Variants in OSBPL10 observed in about 807,000 individuals in gnomAD.
OSBPL10 encodes oxysterol binding protein like 10, also known as oxysterol-binding protein-related protein 10.
In OSBPL10, 49 loss-of-function variants were observed where a neutral mutation model predicts 81.7. The ratio of observed to expected loss-of-function variants is 0.60; its 90% CI spans 0.48 to 0.76. The LOEUF (loss-of-function observed/expected upper bound fraction) is 0.76. OSBPL10 is among the 30% of genes least tolerant of loss of function. The pLI, the probability that OSBPL10 is intolerant of heterozygous loss-of-function variation, is 0.00. For synonymous variants in OSBPL10, 419 were observed against 383.6 expected (o/e 1.09, Z -1.08); for missense variants, 923 against 987.8 (o/e 0.93, Z 0.88).
chr3:31,832,621 A>G (rs183675756), intron 3 of OSBPL10, among the ~76,000 whole-genome samples: 1 of 152,372 alleles, frequency 6.6e-6, no homozygotes, highest in Non-Finnish European at 1.5e-5. Flanking sequence ...ACATATACAG[A>G]GACAGACGGA....
At chr3:32,041,965 T>G (rs2125559256) in intron 2 of OSBPL10, among the ~76,000 whole-genome samples, 1 of 152,310 alleles carries the variant, frequency 6.6e-6, no homozygotes, top group East Asian at 1.9e-4. Flanking sequence ...TGGCTGAGTT[T>G]CTGAAACTAG....
At chr3:31,929,474 G>A (rs181523669) in intron 1 of OSBPL10, among the ~76,000 whole-genome samples, 18 of 152,214 alleles carry the variant, frequency 1.2e-4, no homozygotes, top group East Asian at 7.7e-4. Flanking sequence ...TCGGCCGGGC[G>A]CGGTGGCTCA....
At chr3:31,921,329 A>AT (rs1483100143) in intron 1 of OSBPL10, among the ~76,000 whole-genome samples, 1 of 152,180 alleles carries the variant, frequency 6.6e-6, no homozygotes, top group African/African-American at 2.4e-5. Flanking sequence ...TTGTAATACC[A>AT]TTCTCCAATA....
rs944752910 is a variant in OSBPL10 at position 31,981,032 on chromosome 3, C to G, written c.148G>C (p.Gly50Arg). The change falls in exon 1 of 12, where the codon GGC becomes CGC. Residue 50 changes from glycine (G) to arginine (R), a missense_variant. By Grantham distance (125) the Gly-to-Arg change is moderately radical. Around this residue, in one of 3 missense-constraint regions of OSBPL10, gnomAD observed 514 missense variants for 508.0 expected, o/e 1.01. Transcript: ENST00000396556. The surrounding 1 kb of genome is among the most constrained non-coding windows in gnomAD (Gnocchi z 4.5). ...GGGCTGCTGCGGCTTCCCCCGCCGC[C>G]GAGCCCGGCCGCCGCCGACCGGCTG... ...VSSRSAAAGL[G>R]GGGSRSSPGS... 4.8e-6 allele frequency: 7 copies of G among 1,470,504 alleles called. No homozygotes were observed. In the African/African-American group the frequency reaches 1.0e-4, roughly 22 times the overall value. 91.1% of individuals were successfully genotyped at this position (1,470,504 alleles called of 1,614,324 possible). A position where few individuals can be genotyped will look rare whatever the true frequency, so the allele number is the denominator to read the frequency against.
intron 4 of OSBPL10, among the ~76,000 whole-genome samples, chr3:31,751,496 C>T (rs1173602157): frequency 1.3e-5 from 2 of 152,228 alleles, no homozygotes; most frequent in African/African-American, 4.8e-5. Context: ...TTGGCAGTTA[C>T]GATGGCTGGG....
chr3:31,961,372 C>A (rs752815400), intron 1 of OSBPL10, among the ~76,000 whole-genome samples: 2 of 152,020 alleles, frequency 1.3e-5, no homozygotes, highest in Admixed American at 6.6e-5. Context: ...GGAAAGCTAG[C>A]GTCTCTGATT....
chr3:31,921,775 G>C (rs1559519047), intron 1 of OSBPL10, among the ~76,000 whole-genome samples: 1 of 152,168 alleles, frequency 6.6e-6, no homozygotes, highest in Non-Finnish European at 1.5e-5. Context: ...GTATGAAAAG[G>C]ACAGGAGAGG....
exon 1 of OSBPL10, chr3:32,077,501 G>C: frequency 6.6e-6 from 1 of 152,298 alleles, no homozygotes; most frequent in East Asian, 1.9e-4. Flanking sequence ...ACTCCAGGGA[G>C]AAGCAGCTTC....
At chr3:31,700,852 G>A (rs985632517) in intron 7 of OSBPL10, among the ~76,000 whole-genome samples, 2 of 152,220 alleles carry the variant, frequency 1.3e-5, no homozygotes, top group African/African-American at 4.8e-5. Context: ...CCAGCTAGGG[G>A]ACTGAGATGA....
chr3:31,917,529 G>T (rs555720062), intron 1 of OSBPL10, among the ~76,000 whole-genome samples: 18 of 148,838 alleles, frequency 1.2e-4, no homozygotes, highest in African/African-American at 4.5e-4. Context: ...CTACTCACAA[G>T]TATGCTTTGT....
intron 1 of OSBPL10, among the ~76,000 whole-genome samples, chr3:31,953,378 G>A (rs1486255561): frequency 6.6e-6 from 1 of 151,902 alleles, no homozygotes; most frequent in East Asian, 1.9e-4. Flanking sequence ...CACACAAAGA[G>A]TGGGCACTGC....
intron 1 of OSBPL10, among the ~76,000 whole-genome samples, chr3:31,930,681 A>T (rs1697213840): frequency 2.0e-5 from 3 of 152,138 alleles, no homozygotes; most frequent in Admixed American, 2.0e-4. Context: ...GATCTTTAAA[A>T]AACAGTGTAA....
rs564437068 is a variant in OSBPL10, at chr3:32,016,433, C to A, written n.298+30058G>T. The stretch of plus-strand genomic sequence containing the variant: ...GACACAGGAAGGGGAACATCACACA[C>A]TGGGGCCTGTTGTGGGGTTGGGGGA... On this transcript the variant is annotated intron_variant and non_coding_transcript_variant, in intron 2 of 3. Transcript: ENST00000479173. Among the ~76,000 whole-genome samples the A allele has an allele frequency of 1.3e-5, 2 of 152,020 alleles. 1 individual carries two copies. Among genetic ancestry groups the A allele is most frequent in the Admixed American group, 1.3e-4 (2 of 15,266 alleles).
At chr3:31,689,140 A>G (rs1208703515) in intron 7 of OSBPL10, among the ~76,000 whole-genome samples, 1 of 152,130 alleles carries the variant, frequency 6.6e-6, no homozygotes, top group African/African-American at 2.4e-5. Flanking sequence ...GTCAAATCCA[A>G]ACTGAGGAAC....
chr3:31,917,265 T>C (rs6550084), intron 1 of OSBPL10, among the ~76,000 whole-genome samples: 151,128 of 152,304 alleles, frequency 0.99, 74,982 homozygotes, highest in East Asian at 1. Flanking sequence ...CCAACTCCAC[T>C]AGGAGTCCCA....
At chr3:31,672,427 A>G (rs1425566784) in intron 8 of OSBPL10, among the ~76,000 whole-genome samples, 5 of 103,546 alleles carry the variant, frequency 4.8e-5, no homozygotes, top group African/African-American at 1.5e-4. Flanking sequence ...GAGGATAGGG[A>G]GAGAGAGAAG....
chr3:31,738,192 G>GA (rs1445839542), intron 5 of OSBPL10, among the ~76,000 whole-genome samples: 1 of 151,868 alleles, frequency 6.6e-6, no homozygotes, highest in Non-Finnish European at 1.5e-5. Flanking sequence ...AAATCAATGG[G>GA]AAAAAAATGC....
At chr3:31,857,871 A>G in intron 3 of OSBPL10, among the ~76,000 whole-genome samples, 2 of 79,312 alleles carry the variant, frequency 2.5e-5, no homozygotes, top group South Asian at 5.5e-4. Context: ...GGAGAGGGAG[A>G]GGGAAAGGGG....
intron 4 of OSBPL10, among the ~76,000 whole-genome samples, chr3:31,792,701 G>C (rs1352853562): frequency 6.6e-6 from 1 of 150,972 alleles, no homozygotes; most frequent in Non-Finnish European, 1.5e-5. Flanking sequence ...GGGTGTGCAG[G>C]GGTGTGTGTG....
Sources: gnomAD v4.1 joint callset for allele counts (sites outside exome capture counted in the v4.1 genomes callset) on GRCh38, gnomAD v4.1.1 for gene constraint, gnomAD v4.1.1 regional missense constraint, Gnocchi (gnomAD v3.1) non-coding constraint, MANE v1.5 for transcripts, NCBI Gene and HGNC (gene_info 2026-07-23, HGNC 2026-07-21) for gene names.